The following IL31RA variants were observed in gnomAD, a reference collection of about 807,000 sequenced individuals.
IL31RA encodes the protein interleukin-31 receptor subunit alpha.
IL31RA carries 66 observed loss-of-function variants against 83.7 expected under a neutral mutation model. The ratio of observed to expected loss-of-function variants is 0.79; its 90% confidence interval spans 0.65 to 0.97. The LOEUF is 0.97. IL31RA is among the 50% of genes least tolerant of loss of function. The pLI, the probability that IL31RA is intolerant of heterozygous loss-of-function variation, is 0.00. For missense variants in IL31RA, 798 were observed against 919.4 expected, an observed-to-expected ratio of 0.87 and a Z score of 1.71; for synonymous variants, 325 against 329.0, an observed-to-expected ratio of 0.99 and a Z score of 0.13.
intron 12 of IL31RA, among the ~76,000 whole-genome samples, 196 bp from the exon 13 acceptor site, chr5:55,913,281 G>A (rs924879713): frequency 6.6e-6 from 1 of 151,972 alleles, no homozygotes; most frequent in African/African-American, 2.4e-5. Flanking sequence ...TAGTAGAGAC[G>A]GGGTTTCACT....
chr5:55,895,749 GA>G (rs1487800614), intron 6 of IL31RA, among the ~76,000 whole-genome samples: 1 of 152,156 alleles, frequency 6.6e-6, no homozygotes, highest in Admixed American at 6.5e-5. Flanking sequence ...CCCTTCATAT[GA>G]ATTTCTAGGT....
At chr5:55,909,317 T>G (rs537040380) in intron 11 of IL31RA, among the ~76,000 whole-genome samples, 2 of 152,374 alleles carry the variant, frequency 1.3e-5, no homozygotes, top group African/African-American at 4.8e-5. Flanking sequence ...GTTTCAACCT[T>G]TAGGCTATTG....
upstream of IL31RA, among the ~76,000 whole-genome samples, chr5:55,848,258 T>C (rs1744981325): frequency 6.6e-6 from 1 of 152,222 alleles, no homozygotes. Context: ...TTAGAATTTT[T>C]CTATAAGGAA....
At chr5:55,887,949 C>A (rs1580703313) in intron 5 of IL31RA, among the ~76,000 whole-genome samples, 1 of 150,934 alleles carries the variant, frequency 6.6e-6, no homozygotes, top group South Asian at 2.1e-4. Flanking sequence ...ACTGGGGAGG[C>A]TGAGGCAGGA....
chr5:55,885,842 G>A (rs1265446880), intron 5 of IL31RA, among the ~76,000 whole-genome samples: 1 of 152,158 alleles, frequency 6.6e-6, no homozygotes, highest in African/African-American at 2.4e-5. Context: ...AAGCAGAGCA[G>A]TCCCCGGTAT....
rs1412727695 is a variant in IL31RA at position 55,920,495 on chromosome 5, C to T, written c.*3375C>T. On this transcript the variant is annotated 3_prime_UTR_variant, in exon 15 of 15. Coordinates refer to ENST00000652347, the MANE Select transcript of IL31RA (RefSeq NM_139017.7). ...TAGTGTTGACAAAGTGTAATTGGAACACAGCCATGCCCATCGTTGACCTAT... is the reference window on the plus strand; with the variant it reads ...TAGTGTTGACAAAGTGTAATTGGAATACAGCCATGCCCATCGTTGACCTAT... Among the ~76,000 whole-genome samples the T allele has an allele frequency of 1.3e-5, 2 of 152,244 alleles. No individual in the cohort carries two copies. The highest frequency in any genetic ancestry group is 4.8e-5 in the African/African-American group (2 of 41,464).
the IL31RA span, among the ~76,000 whole-genome samples, chr5:55,841,954 A>AAAT: frequency 6.6e-6 from 1 of 152,034 alleles, no homozygotes; most frequent in Admixed American, 6.6e-5. Flanking sequence ...AAAAAAAAAA[A>AAAT]AATTTTTTTA....
chr5:55,909,982 G>A (rs1464972314), intron 11 of IL31RA, among the ~76,000 whole-genome samples: 5 of 152,226 alleles, frequency 3.3e-5, no homozygotes, highest in Non-Finnish European at 7.3e-5. Flanking sequence ...GGGATGACAG[G>A]CATGAGCCAC....
rs1207476642 is a variant in IL31RA at position 55,914,882 on chromosome 5, A to G, written c.1772A>G (p.Asn591Ser). The part of the protein sequence containing the change: ...LTHLCWPTVP[N>S]PAESSIATWH... ...CATCTGTGTTGGCCCACCGTTCCCAACCCTGCTGAAAGTAGTATAGCCACA... is the reference window on the plus strand; with the variant it reads ...CATCTGTGTTGGCCCACCGTTCCCAGCCCTGCTGAAAGTAGTATAGCCACA... Residue 591 changes from asparagine (N) to serine (S), a missense_variant, in exon 14 of 15, where the codon AAC (asparagine) becomes AGC (serine). By Grantham distance (46) the Asn-to-Ser change is conservative. Transcript: ENST00000652347. The G allele has an allele frequency of 3.1e-6, 5 of 1,613,636 alleles. No homozygotes were observed. The highest frequency in any genetic ancestry group is 4.2e-6 in the Non-Finnish European group (5 of 1,179,694).
At chr5:55,862,400 T>C (rs1404676445) in intron 2 of IL31RA, among the ~76,000 whole-genome samples, 1 of 152,214 alleles carries the variant, frequency 6.6e-6, no homozygotes, top group African/African-American at 2.4e-5. Flanking sequence ...TTCTTTCTAC[T>C]TTATTTTTAA....
chr5:55,863,845 T>A (rs1745836874), intron 2 of IL31RA, among the ~76,000 whole-genome samples: 1 of 152,232 alleles, frequency 6.6e-6, no homozygotes, highest in African/African-American at 2.4e-5. Context: ...TTTAACTCTC[T>A]TTTTAGCTTA....
chr5:55,918,425 C>G lies in IL31RA; in HGVS notation c.*1305C>G, dbSNP rs1008901291. On this transcript the variant is annotated 3_prime_UTR_variant, in exon 15 of 15. Coordinates refer to ENST00000652347, the MANE Select transcript of IL31RA (RefSeq NM_139017.7). The stretch of plus-strand genomic sequence containing the variant: ...TCCTAAAACTAAAATTAATTGCCAG[C>G]CTGAGACCTGACACTTCAAAGTAAC... 4.6e-5 allele frequency among the ~76,000 whole-genome samples: 7 copies of G among 152,154 alleles called. No individual in the cohort carries two copies. Among genetic ancestry groups the G allele is most frequent in the African/African-American group, 1.7e-4 (7 of 41,428 alleles).
intron 4 of IL31RA, among the ~76,000 whole-genome samples, chr5:55,879,365 G>T (rs1747048681): frequency 6.9e-6 from 1 of 144,516 alleles, no homozygotes; most frequent in South Asian, 2.2e-4. Context: ...GTTTATAATG[G>T]TTATAAACCT....
intron 7 of IL31RA, among the ~76,000 whole-genome samples, chr5:55,899,666 T>C (rs1748686130): frequency 1.3e-5 from 2 of 152,276 alleles, no homozygotes; most frequent in East Asian, 3.9e-4. Flanking sequence ...CTTGTTTACA[T>C]TGTTTTGGGC....
chr5:55,845,188 C>T, the IL31RA span, among the ~76,000 whole-genome samples: 2 of 152,078 alleles, frequency 1.3e-5, no homozygotes, highest in African/African-American at 4.8e-5. Context: ...GAAAGGTGAA[C>T]ATGATGTACC....
At position 55,887,097 on chromosome 5, in the gene IL31RA, A is replaced by G. The variant is rs562178846; in HGVS notation, c.607-2873A>G. On this transcript the variant is annotated intron_variant, in intron 5 of 14. Coordinates refer to ENST00000652347, the MANE Select transcript of IL31RA (RefSeq NM_139017.7). Reference sequence around the variant, plus strand: ...GTAAAACTAATGCTAAAATTCCAACATGTCCGTTTAACAAGACCCATATTT... The same window carrying G: ...GTAAAACTAATGCTAAAATTCCAACGTGTCCGTTTAACAAGACCCATATTT... Among the ~76,000 whole-genome samples the G allele has an allele frequency of 6.6e-5, 10 of 152,358 alleles. No homozygotes were observed. In the East Asian group the frequency reaches 1.9e-3, roughly 29 times the overall value.
chr5:55,863,532 T>G (rs567239933), intron 2 of IL31RA, among the ~76,000 whole-genome samples: 2 of 152,350 alleles, frequency 1.3e-5, no homozygotes, highest in Middle Eastern at 3.4e-3. Context: ...CTTGGACGCT[T>G]CCTCTCACAT....
intron 6 of IL31RA, among the ~76,000 whole-genome samples, chr5:55,891,353 G>A (rs189745486): frequency 6.6e-6 from 1 of 152,282 alleles, no homozygotes; most frequent in East Asian, 1.9e-4. Context: ...AAATTTAGTG[G>A]CTTAATGCAA....
chr5:55,852,931 T>C (rs963003571), intron 1 of IL31RA, among the ~76,000 whole-genome samples: 31 of 152,364 alleles, frequency 2.0e-4, no homozygotes, highest in East Asian at 5.8e-4. Context: ...AGATAATTAA[T>C]GTGAAGTTCT....
Sources: allele counts gnomAD v4.1 joint callset (sites outside exome capture counted in the v4.1 genomes callset), GRCh38; gene constraint gnomAD v4.1.1; transcripts MANE v1.5; gene names NCBI Gene and HGNC (gene_info 2026-07-23, HGNC 2026-07-21).